Variants in RASSF8 observed in about 807,000 individuals in gnomAD.
The protein encoded by RASSF8 is ras association domain-containing protein 8.
RASSF8 carries 22 observed loss-of-function variants against 48.5 expected under a neutral mutation model. The observed-to-expected ratio is 0.45, with a 90% CI of 0.32 to 0.65. RASSF8 has a LOEUF of 0.65. RASSF8 is among the 30% of genes least tolerant of loss of function. The pLI is 0.03. For missense variants in RASSF8, 418 were observed against 489.2 expected, an observed-to-expected ratio of 0.85 and a Z score of 1.37; for synonymous variants, 127 against 171.5, an observed-to-expected ratio of 0.74 and a Z score of 2.03.
intron 2 of RASSF8, among the ~76,000 whole-genome samples, chr12:26,034,479 C>T (rs535843557): frequency 6.6e-6 from 1 of 151,940 alleles, no homozygotes; most frequent in African/African-American, 2.4e-5. Context: ...TTAAAGCCAT[C>T]TGGGCCGCAT....
intron 2 of RASSF8, among the ~76,000 whole-genome samples, chr12:26,050,193 A>G (rs1244511268): frequency 2.0e-5 from 3 of 152,214 alleles, no homozygotes; most frequent in Non-Finnish European, 2.9e-5. Flanking sequence ...ATGAATTACA[A>G]TTTCTAATAT....
intron 3 of RASSF8, among the ~76,000 whole-genome samples, chr12:26,061,475 C>T (rs1182473071): frequency 6.6e-6 from 1 of 151,984 alleles, no homozygotes; most frequent in Admixed American, 6.6e-5. Context: ...ATATTTTTTA[C>T]CCCACTAAAT....
intron 1 of RASSF8, among the ~76,000 whole-genome samples, chr12:25,987,445 C>A (rs1170595489): frequency 6.6e-6 from 1 of 152,100 alleles, no homozygotes; most frequent in Non-Finnish European, 1.5e-5. Flanking sequence ...GAGCCAAAAA[C>A]TGGGATGCTT....
chr12:26,035,810 A>G (rs1207304809), intron 2 of RASSF8, among the ~76,000 whole-genome samples: 1 of 145,352 alleles, frequency 6.9e-6, no homozygotes, highest in Non-Finnish European at 1.5e-5. Flanking sequence ...TATACAATAT[A>G]TGAAATTATA....
chr12:25,971,559 C>A (rs961172499), intron 1 of RASSF8, among the ~76,000 whole-genome samples: 1 of 150,982 alleles, frequency 6.6e-6, no homozygotes, highest in Non-Finnish European at 1.5e-5. Flanking sequence ...TCCTAGTTTT[C>A]ATTTCATATG....
intron 2 of RASSF8, among the ~76,000 whole-genome samples, chr12:26,005,041 C>G (rs1387441238): frequency 6.6e-6 from 1 of 151,986 alleles, no homozygotes; most frequent in Non-Finnish European, 1.5e-5. Context: ...AGGTTTCATT[C>G]TTTCTCATTG....
intron 5 of RASSF8, chr12:26,078,908 G>A (rs1006821778): frequency 1.5e-5 from 11 of 754,460 alleles, no homozygotes; most frequent in South Asian, 3.6e-5. Context: ...AAAAAAAAAG[G>A]CGCTAACCGA....
intron 2 of RASSF8, among the ~76,000 whole-genome samples, chr12:26,045,672 A>G (rs1943357752): frequency 6.6e-6 from 1 of 152,184 alleles, no homozygotes; most frequent in Non-Finnish European, 1.5e-5. Context: ...GTCAGGATTT[A>G]TGGGCTCAAT....
chr12:26,015,199 C>T (rs1441559425), intron 2 of RASSF8, among the ~76,000 whole-genome samples: 1 of 138,844 alleles, frequency 7.2e-6, no homozygotes, highest in Non-Finnish European at 1.6e-5. Context: ...AGAATGAGAT[C>T]CCGTCTCAAA....
At chr12:26,034,142 G>C (rs1001621530) in intron 2 of RASSF8, among the ~76,000 whole-genome samples, 1 of 152,046 alleles carries the variant, frequency 6.6e-6, no homozygotes, top group Non-Finnish European at 1.5e-5. Flanking sequence ...AGTAGTTGAA[G>C]AACGGGCTGG....
intron 2 of RASSF8, among the ~76,000 whole-genome samples, chr12:26,039,562 A>G (rs1943221408): frequency 6.6e-6 from 1 of 152,114 alleles, no homozygotes; most frequent in African/African-American, 2.4e-5. Flanking sequence ...ACACTATTTG[A>G]ATTTTTCAGA....
chr12:25,985,830 T>G (rs1359294682), intron 1 of RASSF8, among the ~76,000 whole-genome samples: 1 of 152,190 alleles, frequency 6.6e-6, no homozygotes, highest in African/African-American at 2.4e-5. Context: ...GAGCACAGAT[T>G]GCAGCAGACA....
At chr12:26,007,968 G>C (rs1253503939) in intron 2 of RASSF8, among the ~76,000 whole-genome samples, 1 of 152,126 alleles carries the variant, frequency 6.6e-6, no homozygotes, top group Non-Finnish European at 1.5e-5. Flanking sequence ...TTCTTCAAAA[G>C]GATATTACTT....
chr12:25,994,850 C>G (rs1395653763), intron 1 of RASSF8, among the ~76,000 whole-genome samples, 187 bp from the exon 2 acceptor site: 1 of 152,152 alleles, frequency 6.6e-6, no homozygotes, highest in African/African-American at 2.4e-5. Flanking sequence ...AAACCCACCC[C>G]ACAAGGACTG....
chr12:25,994,640 A>C (rs1223417715), intron 1 of RASSF8, among the ~76,000 whole-genome samples: 1 of 152,234 alleles, frequency 6.6e-6, no homozygotes, highest in Admixed American at 6.5e-5. Context: ...CTTCAGTTTT[A>C]GCCCTGGCTT....
Position 26,071,802 on chromosome 12 carries a change from A to G in RASSF8, c.*2984A>G, listed in dbSNP as rs1944005773. The G allele has an allele frequency of 4.0e-5, 38 of 938,988 alleles. No individual in the cohort carries two copies. The highest frequency in any genetic ancestry group is 4.6e-5 in the Non-Finnish European group (37 of 807,864). 58.2% of individuals were successfully genotyped at this position (938,988 alleles called of 1,614,324 possible). A position where few individuals can be genotyped will look rare whatever the true frequency, so the allele number is the denominator to read the frequency against. Reference sequence around the variant, plus strand: ...CAGCAAGACTGATAGAGTAAAAACTATATAAATACAGTAAAAAAAAAATAG... The same window carrying G: ...CAGCAAGACTGATAGAGTAAAAACTGTATAAATACAGTAAAAAAAAAATAG... On this transcript the variant is annotated 3_prime_UTR_variant, in exon 6 of 6. Coordinates refer to ENST00000689635, the MANE Select transcript of RASSF8 (RefSeq NM_001394098.1).
rs78989267 is a variant in RASSF8, at chr12:26,048,676, T to C, written c.-108-6560T>C. 8.9e-3 allele frequency among the ~76,000 whole-genome samples: 1,361 copies of C among 152,310 alleles called. 23 individuals carry two copies. Among genetic ancestry groups the C allele is most frequent in the African/African-American group, 0.031 (1,293 of 41,578 alleles). On this transcript the variant is annotated intron_variant, in intron 2 of 5. Transcript: ENST00000689635. ...AGTGGCTATTTTTTCATGCCACTCA[T>C]GGCTCTCTCTAGCCTCTCTGTGCCT...
chr12:26,021,575 G>A (rs1329048538), intron 2 of RASSF8: 1 of 152,218 alleles, frequency 6.6e-6, no homozygotes, highest in Non-Finnish European at 1.5e-5. Context: ...CTACGCATAG[G>A]GCAGAGTTTC....
chr12:25,961,194 A>G (rs1164917257), intron 1 of RASSF8, among the ~76,000 whole-genome samples: 1 of 152,194 alleles, frequency 6.6e-6, no homozygotes, highest in Non-Finnish European at 1.5e-5. Context: ...GATGTATATA[A>G]TGACTTGGAA....
Sources: allele counts gnomAD v4.1 joint callset (sites outside exome capture counted in the v4.1 genomes callset), GRCh38; gene constraint gnomAD v4.1.1; transcripts MANE v1.5; gene names NCBI Gene and HGNC (gene_info 2026-07-23, HGNC 2026-07-21).